Variants in FLI1 observed in about 807,000 individuals in gnomAD.
The protein encoded by FLI1 is Fli-1 proto-oncogene, ETS transcription factor.
A neutral mutation model predicts 53.1 loss-of-function variants in FLI1; 13 were observed. The ratio of observed to expected loss-of-function variants is 0.24; its 90% CI spans 0.16 to 0.39. The LOEUF is 0.39. Ranked by LOEUF, FLI1 falls within the 10% of genes least tolerant of loss-of-function variation. The probability of loss-of-function intolerance (pLI) is 1.00; values close to 1 mark genes in which losing one functional copy is unlikely to be tolerated. For missense variants in FLI1, 424 were observed against 600.5 expected, an observed-to-expected ratio of 0.71 and a Z score of 3.07; for synonymous variants, 244 against 236.7, an observed-to-expected ratio of 1.03 and a Z score of -0.28.
chr11:128,754,874 C>T (rs1279736184), intron 1 of FLI1, among the ~76,000 whole-genome samples: 1 of 152,250 alleles, frequency 6.6e-6, no homozygotes, highest in Non-Finnish European at 1.5e-5. Flanking sequence ...AATGTTGCCA[C>T]TTGATTGGAG....
At chr11:128,763,925 C>A (rs1225662373) in intron 2 of FLI1, among the ~76,000 whole-genome samples, 3 of 152,318 alleles carry the variant, frequency 2.0e-5, no homozygotes, top group Middle Eastern at 3.4e-3. Context: ...ACATCTATGT[C>A]CTACAGACTT....
chr11:128,724,483 C>T (rs1175983396), intron 1 of FLI1, among the ~76,000 whole-genome samples: 3 of 152,112 alleles, frequency 2.0e-5, no homozygotes, highest in Admixed American at 2.0e-4. Context: ...TGCAGGTTTC[C>T]AGAAGAGGAT....
chr11:128,721,702 T>A (rs659652), intron 1 of FLI1, among the ~76,000 whole-genome samples: 2 of 152,108 alleles, frequency 1.3e-5, no homozygotes, highest in Admixed American at 6.5e-5. Context: ...CTCTTGGCAC[T>A]CTGGGATTTC....
At chr11:128,788,560 G>T (rs1393283154) in intron 5 of FLI1, among the ~76,000 whole-genome samples, 2 of 152,106 alleles carry the variant, frequency 1.3e-5, no homozygotes, top group Admixed American at 6.5e-5. Flanking sequence ...AAACAACAAT[G>T]CATGCTACAC....
At chr11:128,782,331 C>T (rs1231475415) in intron 5 of FLI1, among the ~76,000 whole-genome samples, 3 of 152,150 alleles carry the variant, frequency 2.0e-5, no homozygotes, top group Non-Finnish European at 2.9e-5. Context: ...TGGGAGTTTT[C>T]TCTGATGAAA....
At chr11:128,782,088 G>GT in intron 5 of FLI1, 65 bp downstream of exon 5, 1 of 1,311,036 alleles carries the variant, frequency 7.6e-7, no homozygotes, top group Middle Eastern at 1.8e-4. Context: ...GGCCCATGCT[G>GT]TTAAGGTTGT....
chr11:128,707,682 G>A (rs1053900309), intron 1 of FLI1, among the ~76,000 whole-genome samples: 2 of 152,168 alleles, frequency 1.3e-5, no homozygotes, highest in Admixed American at 1.3e-4. Context: ...CCTGAGTTTT[G>A]TAGACAAGCC....
chr11:128,701,361 A>G (rs1938325733), intron 1 of FLI1, among the ~76,000 whole-genome samples: 1 of 152,156 alleles, frequency 6.6e-6, no homozygotes, highest in South Asian at 2.1e-4. Flanking sequence ...ACTCAAATCA[A>G]ATTTCTGTGG....
chr11:128,687,154 C>A (rs1273830127), intron 1 of FLI1, among the ~76,000 whole-genome samples: 1 of 152,244 alleles, frequency 6.6e-6, no homozygotes, highest in Non-Finnish European at 1.5e-5. Context: ...GCGGGCGCCA[C>A]GCGCTTCTCC....
intron 1 of FLI1, among the ~76,000 whole-genome samples, chr11:128,750,881 C>T (rs1397155139): frequency 2.0e-5 from 3 of 152,120 alleles, no homozygotes; most frequent in African/African-American, 7.2e-5. Flanking sequence ...ACAGATGTAC[C>T]CACGCCATTC....
rs201118331 is a variant in FLI1, at chr11:128,758,299, G to A, written c.203G>A (p.Arg68Gln). 1.2e-5 allele frequency: 20 copies of A among 1,613,256 alleles called. No homozygotes were observed. Among genetic ancestry groups the A allele is most frequent in the Middle Eastern group, 1.6e-4 (1 of 6,084 alleles). ...INQPVRVNVKREYDHMNGSRE... is the reference protein window; with the variant it reads ...INQPVRVNVKQEYDHMNGSRE... Reference sequence around the variant, plus strand: ...CAGCCAGTGAGGGTCAACGTCAAGCGGGAGTATGACCACATGAATGGATCC... The same window carrying A: ...CAGCCAGTGAGGGTCAACGTCAAGCAGGAGTATGACCACATGAATGGATCC... Residue 68 changes from arginine to glutamine, a missense_variant, in exon 2 of 9, where the codon CGG (arginine) becomes CAG (glutamine). Physicochemically the swap from Arg to Gln is conservative, Grantham distance 43. Transcript: ENST00000527786.
chr11:128,785,801 T>C (rs1165452434), intron 5 of FLI1, among the ~76,000 whole-genome samples: 1 of 152,170 alleles, frequency 6.6e-6, no homozygotes, highest in African/African-American at 2.4e-5. Flanking sequence ...GTCAACTTTG[T>C]AGAGCCAGAA....
rs959906099 is a variant in FLI1 at position 128,810,141 on chromosome 11, A to G, written c.830-318A>G. Among the ~76,000 whole-genome samples, 1 of 151,598 alleles carries G rather than the reference A, an allele frequency of 6.6e-6. No individual in the cohort carries two copies. The highest frequency in any genetic ancestry group is 2.4e-5 in the African/African-American group (1 of 41,332). On this transcript the variant is annotated intron_variant, in intron 8 of 8. Transcript: ENST00000527786. This position sits in a 1 kb window ranked among gnomAD's most constrained non-coding sequence, Gnocchi z 6.6. Reference sequence around the variant, plus strand: ...GAGATTCAAAAGCCTTGCCAAAGGGATTGAGGGGGGATATGGCTCACCCAA... The same window carrying G: ...GAGATTCAAAAGCCTTGCCAAAGGGGTTGAGGGGGGATATGGCTCACCCAA...
intron 4 of FLI1, among the ~76,000 whole-genome samples, chr11:128,774,938 G>C (rs758361291): frequency 6.6e-6 from 1 of 152,206 alleles, no homozygotes; most frequent in Non-Finnish European, 1.5e-5. Context: ...GGTTGAAGTG[G>C]AGGTGCAGAG....
upstream of FLI1, among the ~76,000 whole-genome samples, chr11:128,685,510 T>A (rs547493420): frequency 2.0e-5 from 3 of 151,842 alleles, no homozygotes; most frequent in South Asian, 6.2e-4. Flanking sequence ...TTCTTTTTTC[T>A]CCTTCTTTCC....
chr11:128,714,795 GC>G (rs1938936194), intron 1 of FLI1, among the ~76,000 whole-genome samples: 2 of 137,408 alleles, frequency 1.5e-5, no homozygotes, highest in South Asian at 4.8e-4. Flanking sequence ...AGCAACCTCC[GC>G]CTCCCAGGTT....
At chr11:128,759,245 A>C (rs1446012758) in intron 2 of FLI1, among the ~76,000 whole-genome samples, 1 of 152,232 alleles carries the variant, frequency 6.6e-6, no homozygotes, top group Non-Finnish European at 1.5e-5. Context: ...AATAAAAAGC[A>C]ACAGAGGGCC....
chr11:128,732,839 G>A (rs372537231), intron 1 of FLI1, among the ~76,000 whole-genome samples: 5 of 152,342 alleles, frequency 3.3e-5, no homozygotes, highest in East Asian at 3.9e-4. Context: ...GCCCAGAGAA[G>A]CACACTTCCT....
intron 1 of FLI1, among the ~76,000 whole-genome samples, chr11:128,695,581 T>A (rs1010587025): frequency 3.3e-5 from 5 of 152,180 alleles, no homozygotes; most frequent in African/African-American, 7.2e-5. Context: ...AAGTTTTTTT[T>A]ATGAAAGTTT....
Sources: gnomAD v4.1 joint callset for allele counts (sites outside exome capture counted in the v4.1 genomes callset) on GRCh38, gnomAD v4.1.1 for gene constraint, Gnocchi (gnomAD v3.1) non-coding constraint, MANE v1.5 for transcripts, NCBI Gene and HGNC (gene_info 2026-07-23, HGNC 2026-07-21) for gene names.